The following TMEM165 variants were observed in gnomAD, a reference collection of about 807,000 sequenced individuals.
The protein encoded by TMEM165 is transmembrane protein 165, also known as putative divalent cation/proton antiporter TMEM165.
Under a neutral mutation model 30.0 loss-of-function variants are expected in TMEM165, and 19 were observed. That is an observed-to-expected ratio of 0.63 (90% CI 0.44 to 0.93). TMEM165 has a LOEUF of 0.93. TMEM165 is among the 40% of genes least tolerant of loss of function. TMEM165 has a pLI of 0.00. For missense variants in TMEM165, 340 were observed against 417.0 expected (o/e 0.82, Z 1.61); for synonymous variants, 168 against 162.9 (o/e 1.03, Z -0.24).
chr4:55,404,610 T>TA (rs112830122), intron 1 of TMEM165, among the ~76,000 whole-genome samples: 1 of 148,060 alleles, frequency 6.8e-6, no homozygotes, highest in Non-Finnish European at 1.5e-5. Context: ...TATTTTATTT[T>TA]TTTTTTTTGT....
intron 1 of TMEM165, among the ~76,000 whole-genome samples, chr4:55,402,809 T>TTTTTTTTTTTTTTTTTTGG (rs1560387581): frequency 7.6e-6 from 1 of 131,924 alleles, no homozygotes. Flanking sequence ...TTTTTTTTTT[T>TTTTTTTTTTTTTTTTTTGG]GAGACGGAGT....
chr4:55,437,067 ATTTC>A (rs1722940180), intron 3 of TMEM165, among the ~76,000 whole-genome samples: 4 of 151,998 alleles, frequency 2.6e-5, no homozygotes, highest in Admixed American at 2.0e-4. Flanking sequence ...AATTGTTGTT[ATTTC>A]TTTATTTGTA....
intron 1 of TMEM165, among the ~76,000 whole-genome samples, chr4:55,410,922 C>T (rs567945724): frequency 7.9e-5 from 12 of 152,164 alleles, no homozygotes; most frequent in Non-Finnish European, 8.8e-5. Context: ...CACTTGAGGT[C>T]AGGAGTTTGA....
chr4:55,444,331 G>A (rs976377310), intron 3 of TMEM165, among the ~76,000 whole-genome samples: 4 of 152,034 alleles, frequency 2.6e-5, no homozygotes, highest in African/African-American at 9.7e-5. Flanking sequence ...CTGTACCCAA[G>A]ATGTACCTAA....
At chr4:55,412,855 T>C (rs1011371106) in intron 2 of TMEM165, 4 of 152,148 alleles carry the variant, frequency 2.6e-5, no homozygotes, top group Non-Finnish European at 5.9e-5. Context: ...AAGTGTTAAC[T>C]CTATGAATTG....
chr4:55,419,523 G>T (rs1357260398), intron 4 of TMEM165, among the ~76,000 whole-genome samples: 3 of 151,992 alleles, frequency 2.0e-5, no homozygotes, highest in South Asian at 4.1e-4. Context: ...ATGCCCATTG[G>T]TTTTTTATTT....
intron 4 of TMEM165, among the ~76,000 whole-genome samples, chr4:55,420,817 G>A (rs1320206846): frequency 6.6e-6 from 1 of 152,078 alleles, no homozygotes; most frequent in Non-Finnish European, 1.5e-5. Flanking sequence ...ACTTGAATTG[G>A]TTCTAGGCCA....
At chr4:55,422,872 G>A (rs191816408) in intron 4 of TMEM165, among the ~76,000 whole-genome samples, 11 of 152,116 alleles carry the variant, frequency 7.2e-5, no homozygotes, top group African/African-American at 9.6e-5. Context: ...TCCTGACCTC[G>A]TGATCCACCC....
intron 4 of TMEM165, chr4:55,423,541 G>C (rs1447007766): frequency 6.6e-6 from 1 of 152,450 alleles, no homozygotes; most frequent in Non-Finnish European, 1.5e-5. Context: ...TCCCACCTCA[G>C]CCTCCCGAGT....
chr4:55,427,344 C>T (rs142366256), downstream of TMEM165, among the ~76,000 whole-genome samples: 1,922 of 116,328 alleles, frequency 0.017, 51 homozygotes, highest in African/African-American at 0.061. Flanking sequence ...CCTACTAATA[C>T]GTTTTGTTTG....
At chr4:55,424,273 G>A (rs911316618) in intron 4 of TMEM165, 103 of 442,266 alleles carry the variant, frequency 2.3e-4, no homozygotes, top group African/African-American at 8.1e-5. Flanking sequence ...TGAAAGGTTC[G>A]ATTAGCTTTA....
intron 4 of TMEM165, chr4:55,424,134 G>T (rs536661908): frequency 8.4e-4 from 137 of 162,352 alleles, no homozygotes; most frequent in African/African-American, 3.0e-3. Context: ...ATACTATTCT[G>T]TGAAGGATTG....
chr4:55,437,897 C>A (rs1377514414), intron 3 of TMEM165, among the ~76,000 whole-genome samples: 2 of 152,056 alleles, frequency 1.3e-5, no homozygotes, highest in Non-Finnish European at 2.9e-5. Context: ...AAGGTAACAC[C>A]TATACTAGTA....
Position 55,445,582 on chromosome 4 carries a change from CTTTTTTTTTTTTTTTTTT to C in TMEM165, c.409-6648_409-6631del, listed in dbSNP as rs56157186. Among the ~76,000 whole-genome samples the C allele has an allele frequency of 7.3e-5, 5 of 68,574 alleles. No individual in the cohort carries two copies. The Admixed American group carries it at 1.0e-3, about 14-fold the overall frequency. The allele number at this position is 68,574 out of a possible 152,430, so 45.0% of individuals were successfully genotyped here. The stretch of plus-strand genomic sequence containing the variant: ...TCTCTGCATCTGCTATTTCTATATT[CTTTTTTTTTTTTTTTTTT>C]TTTTTTTTGAGACAGGATCTCACTC... On this transcript the variant is annotated intron_variant, in intron 3 of 3. Coordinates refer to the TMEM165 transcript ENST00000608091.
intron 2 of TMEM165, among the ~76,000 whole-genome samples, chr4:55,412,468 T>G (rs1721551536): frequency 6.7e-6 from 1 of 148,980 alleles, no homozygotes; most frequent in South Asian, 2.2e-4. Flanking sequence ...CTAAATACCA[T>G]TAGTAATTTG....
At chr4:55,410,464 A>G (rs187453713) in intron 1 of TMEM165, among the ~76,000 whole-genome samples, 3 of 152,264 alleles carry the variant, frequency 2.0e-5, no homozygotes, top group East Asian at 1.9e-4. Flanking sequence ...CCATTGTGCA[A>G]TGGGCGCAGT....
chr4:55,413,791 A>T (rs1288072865), intron 2 of TMEM165, among the ~76,000 whole-genome samples: 1 of 152,224 alleles, frequency 6.6e-6, no homozygotes, highest in Admixed American at 6.5e-5. Flanking sequence ...TAAAATTGTA[A>T]ATGTGTATAT....
chr4:55,414,454 T>C (rs1721647772), intron 2 of TMEM165, among the ~76,000 whole-genome samples: 2 of 152,178 alleles, frequency 1.3e-5, no homozygotes, highest in African/African-American at 4.8e-5. Flanking sequence ...TTTTTTTTTA[T>C]ACTTTATGTT....
At chr4:55,439,789 G>T (rs756508493) in intron 3 of TMEM165, among the ~76,000 whole-genome samples, 1 of 152,130 alleles carries the variant, frequency 6.6e-6, no homozygotes, top group Non-Finnish European at 1.5e-5. Flanking sequence ...CCATTTATAT[G>T]AGGTACTTAG....
Sources: gnomAD v4.1 joint callset for allele counts (sites outside exome capture counted in the v4.1 genomes callset) on GRCh38, gnomAD v4.1.1 for gene constraint, MANE v1.5 for transcripts, NCBI Gene and HGNC (gene_info 2026-07-23, HGNC 2026-07-21) for gene names.